Variants in GNAQ observed in about 807,000 individuals in gnomAD.
GNAQ encodes the protein G protein subunit alpha q.
In GNAQ, 8 loss-of-function variants were observed where a neutral mutation model predicts 43.9. The ratio of observed to expected loss-of-function variants is 0.18; its 90% CI spans 0.11 to 0.33. GNAQ has a LOEUF of 0.33. GNAQ is among the 10% of genes least tolerant of loss of function. The probability of loss-of-function intolerance (pLI) is 1.00; values close to 1 mark genes in which losing one functional copy is unlikely to be tolerated. For missense variants in GNAQ, 158 were observed against 450.8 expected, an observed-to-expected ratio of 0.35 and a Z score of 5.88; for synonymous variants, 155 against 170.7, an observed-to-expected ratio of 0.91 and a Z score of 0.71.
intron 3 of GNAQ, among the ~76,000 whole-genome samples, chr9:77,800,480 AC>A (rs1194500932): frequency 1.3e-5 from 2 of 152,054 alleles, no homozygotes; most frequent in Non-Finnish European, 2.9e-5. Flanking sequence ...AGAACAAAAA[AC>A]CAAACACCGC....
At chr9:77,910,378 T>C (rs924046228) in intron 2 of GNAQ, among the ~76,000 whole-genome samples, 1 of 152,238 alleles carries the variant, frequency 6.6e-6, no homozygotes, top group Non-Finnish European at 1.5e-5. Context: ...AACAATACAT[T>C]ACTTGGTTTA....
chr9:77,997,782 C>A (rs545076965), intron 1 of GNAQ, among the ~76,000 whole-genome samples: 1 of 152,130 alleles, frequency 6.6e-6, no homozygotes, highest in East Asian at 1.9e-4. Context: ...AGGCACCCGG[C>A]GGGCAAGGGC....
chr9:77,885,758 T>C (rs1828293280), intron 2 of GNAQ, among the ~76,000 whole-genome samples: 1 of 149,538 alleles, frequency 6.7e-6, no homozygotes, highest in Non-Finnish European at 1.5e-5. Context: ...TTTAATGAGA[T>C]TGAAAGAGAA....
intron 1 of GNAQ, among the ~76,000 whole-genome samples, chr9:78,029,732 T>C (rs12236603): frequency 0.13 from 19,339 of 152,228 alleles, 1,475 homozygotes; most frequent in East Asian, 0.32. Flanking sequence ...AGGCAATTGG[T>C]TCCTTGAGCC....
intron 1 of GNAQ, among the ~76,000 whole-genome samples, chr9:78,008,599 CATTT>C (rs1564176998): frequency 6.8e-6 from 1 of 146,088 alleles, no homozygotes; most frequent in African/African-American, 2.8e-5. Flanking sequence ...CATTTCATTT[CATTT>C]CATTTCATTT....
At position 77,868,815 on chromosome 9, in the gene GNAQ, A is replaced by G. The variant is rs555999823; in HGVS notation, c.322-53045T>C. ...TCTCAAAACAAACAAACAAAAAACC[A>G]AAAAAGAAAAAGACAACAAAAATCA... On this transcript the variant is annotated intron_variant, in intron 2 of 6. Transcript: ENST00000286548. 2.0e-5 allele frequency among the ~76,000 whole-genome samples: 3 copies of G among 152,114 alleles called. No individual in the cohort carries two copies. In the South Asian group the frequency reaches 6.2e-4, roughly 32 times the overall value.
At chr9:77,741,527 A>C (rs1304331628) in intron 5 of GNAQ, among the ~76,000 whole-genome samples, 1 of 152,022 alleles carries the variant, frequency 6.6e-6, no homozygotes, top group East Asian at 1.9e-4. Context: ...AAAAGCATCC[A>C]TTTTCTTTCT....
At chr9:77,774,690 T>C (rs1291048346) in intron 5 of GNAQ, among the ~76,000 whole-genome samples, 8 of 152,208 alleles carry the variant, frequency 5.3e-5, no homozygotes. Flanking sequence ...CTCCAACTCC[T>C]AGCCTGAAGT....
intron 2 of GNAQ, among the ~76,000 whole-genome samples, chr9:77,847,030 G>A (rs2117908072): frequency 6.6e-6 from 1 of 152,256 alleles, no homozygotes; most frequent in Middle Eastern, 3.4e-3. Flanking sequence ...TTCCTGAACT[G>A]TGGTCGCTGA....
At chr9:77,994,953 AGCACC>A (rs1292650760) in intron 1 of GNAQ, among the ~76,000 whole-genome samples, 2 of 152,226 alleles carry the variant, frequency 1.3e-5, no homozygotes, top group African/African-American at 4.8e-5. Flanking sequence ...TGGGTTGGTA[AGCACC>A]TACCTATCGA....
intron 1 of GNAQ, among the ~76,000 whole-genome samples, chr9:78,017,834 C>T (rs1823858287): frequency 6.6e-6 from 1 of 152,082 alleles, no homozygotes; most frequent in African/African-American, 2.4e-5. Context: ...AAACAATTCA[C>T]AAAAGAAGCA....
chr9:77,865,002 CCAT>C (rs1587373098), intron 2 of GNAQ, among the ~76,000 whole-genome samples: 1 of 152,066 alleles, frequency 6.6e-6, no homozygotes, highest in East Asian at 1.9e-4. Flanking sequence ...GGCTTTTTCC[CCAT>C]CAAAAAGAAA....
At chr9:77,864,780 T>C (rs776544824) in intron 2 of GNAQ, among the ~76,000 whole-genome samples, 14 of 152,156 alleles carry the variant, frequency 9.2e-5, no homozygotes, top group Non-Finnish European at 1.8e-4. Context: ...ACAGCAGCAA[T>C]AGGAAATGAA....
intron 2 of GNAQ, among the ~76,000 whole-genome samples, chr9:77,840,350 T>C (rs143575886): frequency 4.5e-3 from 461 of 102,384 alleles, no homozygotes; most frequent in Non-Finnish European, 8.2e-3. Flanking sequence ...TTGATTACTT[T>C]TTGTTTTTTT....
chr9:77,873,868 G>A (rs957598962), intron 2 of GNAQ, among the ~76,000 whole-genome samples: 7 of 152,150 alleles, frequency 4.6e-5, no homozygotes, highest in Non-Finnish European at 8.8e-5. Context: ...CACTTTGGGA[G>A]GCCGAGGCGG....
At chr9:77,942,933 T>G (rs926100781) in intron 1 of GNAQ, among the ~76,000 whole-genome samples, 12 of 152,222 alleles carry the variant, frequency 7.9e-5, no homozygotes, top group Non-Finnish European at 1.6e-4. Context: ...TGCACTTGGA[T>G]CCAATAATTA....
At chr9:77,960,857 T>C (rs1055787089) in intron 1 of GNAQ, among the ~76,000 whole-genome samples, 4 of 152,318 alleles carry the variant, frequency 2.6e-5, no homozygotes, top group African/African-American at 7.2e-5. Context: ...GTATTTTTCA[T>C]GGCTATCTTT....
chr9:77,811,478 T>C (rs78044103), intron 3 of GNAQ, among the ~76,000 whole-genome samples: 1,983 of 152,210 alleles, frequency 0.013, 41 homozygotes, highest in African/African-American at 0.045. Flanking sequence ...AAAGGAATTA[T>C]TCTGAGTTAT....
chr9:77,972,332 A>G (rs1823246358), intron 1 of GNAQ, among the ~76,000 whole-genome samples: 1 of 152,222 alleles, frequency 6.6e-6, no homozygotes, highest in African/African-American at 2.4e-5. Flanking sequence ...TAGGGACACA[A>G]CAGTGAGTAA....
Sources: allele counts gnomAD v4.1 joint callset (sites outside exome capture counted in the v4.1 genomes callset), GRCh38; gene constraint gnomAD v4.1.1; transcripts MANE v1.5; gene names NCBI Gene and HGNC (gene_info 2026-07-23, HGNC 2026-07-21).